The following LHFPL3 variants were observed in gnomAD, a reference collection of about 807,000 sequenced individuals.
LHFPL3 encodes LHFPL tetraspan subfamily member 3, also known as LHFPL tetraspan subfamily member 3 protein.
A neutral mutation model predicts 19.3 loss-of-function variants in LHFPL3; 5 were observed. The observed-to-expected ratio is 0.26, with a 90% CI of 0.14 to 0.54. The LOEUF (loss-of-function observed/expected upper bound fraction) is 0.54, where lower values mean the gene tolerates loss of function less well. LHFPL3 is among the 20% of genes least tolerant of loss of function. The pLI, the probability that LHFPL3 is intolerant of heterozygous loss-of-function variation, is 0.94. For synonymous variants in LHFPL3, 133 were observed against 126.2 expected, an observed-to-expected ratio of 1.05 and a Z score of -0.36; for missense variants, 249 against 307.4, an observed-to-expected ratio of 0.81 and a Z score of 1.42.
chr7:104,901,052 A>C (rs985787951), intron 2 of LHFPL3, among the ~76,000 whole-genome samples: 2 of 152,252 alleles, frequency 1.3e-5, no homozygotes, highest in Admixed American at 6.5e-5. Flanking sequence ...ATTACACCAC[A>C]CTGATGCTTC....
At chr7:104,658,614 A>C (rs1049080627) in intron 1 of LHFPL3, among the ~76,000 whole-genome samples, 12 of 152,154 alleles carry the variant, frequency 7.9e-5, no homozygotes, top group African/African-American at 2.9e-4. Context: ...CAGCCTAGCC[A>C]ACATGGTGAA....
intron 1 of LHFPL3, among the ~76,000 whole-genome samples, chr7:104,534,794 A>T (rs1794363631): frequency 6.6e-6 from 1 of 152,178 alleles, no homozygotes; most frequent in Non-Finnish European, 1.5e-5. Flanking sequence ...GTTTTACACT[A>T]TTACTTTAGA....
intron 1 of LHFPL3, among the ~76,000 whole-genome samples, chr7:104,648,070 T>C (rs749084210): frequency 2.0e-5 from 3 of 152,218 alleles, no homozygotes; most frequent in Non-Finnish European, 2.9e-5. Flanking sequence ...TAGTTTCTAT[T>C]AGATATTTAG....
intron 1 of LHFPL3, among the ~76,000 whole-genome samples, chr7:104,704,720 C>T (rs1374920826): frequency 6.6e-6 from 1 of 152,020 alleles, no homozygotes; most frequent in African/African-American, 2.4e-5. Flanking sequence ...ACTACAGCCT[C>T]GGCCTCCTGG....
At chr7:104,347,041 T>G (rs1255847963) in intron 1 of LHFPL3, among the ~76,000 whole-genome samples, 1 of 111,348 alleles carries the variant, frequency 9.0e-6, no homozygotes, top group Non-Finnish European at 1.8e-5. Flanking sequence ...TGCCTCAGTT[T>G]CCTCATCTGT....
chr7:104,697,471 CAT>C (rs1562967901), intron 1 of LHFPL3, among the ~76,000 whole-genome samples: 1 of 152,140 alleles, frequency 6.6e-6, no homozygotes, highest in South Asian at 2.1e-4. Flanking sequence ...ATTAATACCA[CAT>C]GATTGTAAAA....
intron 1 of LHFPL3, among the ~76,000 whole-genome samples, chr7:104,600,212 T>C (rs1179712063): frequency 1.3e-5 from 2 of 152,260 alleles, no homozygotes; most frequent in African/African-American, 4.8e-5. Context: ...AATTGCTAAA[T>C]AGACTTTATC....
In LHFPL3 at chr7:104,541,243, G is replaced by T. The variant is rs112822205; in HGVS notation, c.446-195432G>T. ...TTCCCATGGCTCCCATGGCACCTGG[G>T]AATATCCCATCATTGCTTTTACCAC... On this transcript the variant is annotated intron_variant, in intron 1 of 2. Coordinates refer to ENST00000424859, the MANE Select transcript of LHFPL3 (RefSeq NM_199000.3). Among the ~76,000 whole-genome samples, 349 of 152,122 alleles carry T rather than the reference G, an allele frequency of 2.3e-3. 2 individuals are homozygous for T. Among genetic ancestry groups the T allele is most frequent in the African/African-American group, 8.0e-3 (334 of 41,510 alleles).
rs572257955 is a variant in LHFPL3 at position 104,439,762 on chromosome 7, C to T, written c.445+110538C>T. ...ATATTTAATGGTAAAAAACTGAACG[C>T]TTTTCTCCTCAGATTAGGAACAAAA... On this transcript the variant is annotated intron_variant, in intron 1 of 2. Transcript: ENST00000424859. Among the ~76,000 whole-genome samples the T allele has an allele frequency of 6.7e-4, 102 of 152,170 alleles. 1 individual carries two copies. Among genetic ancestry groups the T allele is most frequent in the Non-Finnish European group, 1.3e-3 (86 of 68,020 alleles).
chr7:104,623,544 C>T (rs1562952553), intron 1 of LHFPL3, among the ~76,000 whole-genome samples: 3 of 152,178 alleles, frequency 2.0e-5, no homozygotes, highest in South Asian at 2.1e-4. Context: ...GCAGGAGAAT[C>T]GCTTGAGCCT....
chr7:104,488,932 G>A lies in LHFPL3; in HGVS notation c.445+159708G>A, dbSNP rs143228535. ...TCTAGGATTTCAGGCAAAGAGAACC[G>A]GGGTTGCATGACCAGGGCTGGCTTC... On this transcript the variant is annotated intron_variant, in intron 1 of 2. Coordinates refer to ENST00000424859, the MANE Select transcript of LHFPL3 (RefSeq NM_199000.3). Among the ~76,000 whole-genome samples the A allele has an allele frequency of 5.8e-4, 89 of 152,244 alleles. 2 individuals carry two copies. The highest frequency in any genetic ancestry group is 5.4e-3 in the Admixed American group (82 of 15,290).
intron 2 of LHFPL3, among the ~76,000 whole-genome samples, chr7:104,899,234 C>T (rs1366693083): frequency 2.0e-5 from 3 of 152,026 alleles, no homozygotes; most frequent in African/African-American, 7.2e-5. Context: ...GTACCCCAGC[C>T]TATTGAATGG....
chr7:104,420,864 C>T (rs75414995), intron 1 of LHFPL3, among the ~76,000 whole-genome samples: 92 of 152,234 alleles, frequency 6.0e-4, no homozygotes, highest in Non-Finnish European at 7.5e-4. Flanking sequence ...GCCCGGCCCC[C>T]CAAAGGGTGA....
At chr7:104,463,345 C>CT (rs1206128305) in intron 1 of LHFPL3, among the ~76,000 whole-genome samples, 3 of 152,174 alleles carry the variant, frequency 2.0e-5, no homozygotes, top group African/African-American at 7.2e-5. Flanking sequence ...AATTTGAAAT[C>CT]TTTCTAACTC....
chr7:104,575,100 A>G (rs1483362850), intron 1 of LHFPL3, among the ~76,000 whole-genome samples: 2 of 152,246 alleles, frequency 1.3e-5, no homozygotes, highest in African/African-American at 4.8e-5. Flanking sequence ...TGGAACACAA[A>G]TAACAGAAGA....
intron 2 of LHFPL3, among the ~76,000 whole-genome samples, chr7:104,866,683 C>G (rs1791729080): frequency 6.6e-6 from 1 of 152,188 alleles, no homozygotes; most frequent in East Asian, 1.9e-4. Flanking sequence ...AGAAAGTTAA[C>G]AAGGATATCC....
intron 2 of LHFPL3, among the ~76,000 whole-genome samples, chr7:104,792,557 TATA>T (rs888655265): frequency 6.6e-6 from 1 of 152,200 alleles, no homozygotes; most frequent in African/African-American, 2.4e-5. Context: ...CGAGGCTGTA[TATA>T]ATGTTTCCTG....
rs372598907 is a variant in LHFPL3 at position 104,521,960 on chromosome 7, A to C, written c.445+192736A>C. 6.5e-3 allele frequency among the ~76,000 whole-genome samples: 995 copies of C among 152,156 alleles called. 5 individuals are homozygous for C. The highest frequency in any genetic ancestry group is 0.014 in the Middle Eastern group (4 of 294). ...GGTGGGACTGTAAACTAGTTCAACCATTGTGGAAGTCAGTGTGGCGATTCC... is the reference window on the plus strand; with the variant it reads ...GGTGGGACTGTAAACTAGTTCAACCCTTGTGGAAGTCAGTGTGGCGATTCC... On this transcript the variant is annotated intron_variant, in intron 1 of 2. Transcript: ENST00000424859.
intron 1 of LHFPL3, among the ~76,000 whole-genome samples, chr7:104,602,096 C>T (rs1790983508): frequency 7.4e-6 from 1 of 134,666 alleles, no homozygotes; most frequent in Admixed American, 8.4e-5. Flanking sequence ...TCTCAGTTCA[C>T]TGCAACCTCC....
Sources: allele counts gnomAD v4.1 joint callset (sites outside exome capture counted in the v4.1 genomes callset), GRCh38; gene constraint gnomAD v4.1.1; transcripts MANE v1.5; gene names NCBI Gene and HGNC (gene_info 2026-07-23, HGNC 2026-07-21).